Variants in PI4KA observed in about 807,000 individuals in gnomAD.
PI4KA encodes phosphatidylinositol 4-kinase alpha, also known as PI4-kinase alpha.
In PI4KA, 122 loss-of-function variants were observed where a neutral mutation model predicts 271.4. That is an observed-to-expected ratio of 0.45 (90% CI 0.39 to 0.52). PI4KA has a LOEUF of 0.52. Among genes scored for constraint, PI4KA ranks in the 20% least tolerant of loss-of-function variants. The pLI, the probability that PI4KA is intolerant of heterozygous loss-of-function variation, is 0.00. For synonymous variants in PI4KA, 1,041 were observed against 1,078.8 expected (o/e 0.96, Z 0.69); for missense variants, 1,969 against 2,769.1 (o/e 0.71, Z 6.48).
chr22:20,749,434 T>C (rs1298621001), intron 28 of PI4KA, among the ~76,000 whole-genome samples: 2 of 152,280 alleles, frequency 1.3e-5, no homozygotes, highest in Non-Finnish European at 1.5e-5. Flanking sequence ...CCAGTGTTTT[T>C]GTCTGAAAGA....
In PI4KA at chr22:20,733,709, G is replaced by T. The variant is rs371835231; in HGVS notation, c.4160+27C>A. On this transcript the variant is annotated intron_variant, in intron 35 of 54. Coordinates refer to ENST00000255882, the MANE Select transcript of PI4KA (RefSeq NM_058004.4). ...TGGAGGGGCTGCGCCGTCCCTGGAC[G>T]CTGCACAGCACATCTTGGGGGAGTA... The T allele has an allele frequency of 1.2e-5, 20 of 1,613,882 alleles. 1 individual carries two copies. The African/African-American group carries it at 2.0e-4, about 16-fold the overall frequency.
rs552213670 is a variant in PI4KA at position 20,786,983 on chromosome 22, C to A, written c.2328+6210G>T. 1.2e-5 allele frequency: 19 copies of A among 1,614,182 alleles called. No homozygotes were observed. The East Asian group carries it at 4.2e-4, about 36-fold the overall frequency. On this transcript the variant is annotated intron_variant, in intron 19 of 54. Coordinates refer to ENST00000255882, the MANE Select transcript of PI4KA (RefSeq NM_058004.4). ...CACCCAAGTCCGCTTCACTGTCGAC[C>A]GCCCCTTTCTTTTCCTCATCTACGA...
In PI4KA at chr22:20,811,610, A is replaced by C. The variant is rs1002639542; in HGVS notation, c.1006-578T>G. The stretch of plus-strand genomic sequence containing the variant: ...TGTTCTGTCAACTGCAGAACCACAA[A>C]AAAAAAAAAAAAACTGCCCACATCC... On this transcript the variant is annotated intron_variant, in intron 8 of 54. Coordinates refer to ENST00000255882, the MANE Select transcript of PI4KA (RefSeq NM_058004.4). Among the ~76,000 whole-genome samples the C allele has an allele frequency of 1.6e-3, 244 of 151,790 alleles. 1 individual carries two copies. The highest frequency in any genetic ancestry group is 5.7e-3 in the African/African-American group (236 of 41,450).
At chr22:20,819,025 G>A (rs1389975399) in intron 6 of PI4KA, among the ~76,000 whole-genome samples, 1 of 152,210 alleles carries the variant, frequency 6.6e-6, no homozygotes, top group East Asian at 1.9e-4. Context: ...AAAGGCGGGA[G>A]CCAGGGGACC....
At chr22:20,749,468 C>T (rs1358816094) in intron 28 of PI4KA, among the ~76,000 whole-genome samples, 1 of 152,280 alleles carries the variant, frequency 6.6e-6, no homozygotes, top group Non-Finnish European at 1.5e-5. Flanking sequence ...ACATGTGCAG[C>T]TTATGTGGAG....
intron 15 of PI4KA, among the ~76,000 whole-genome samples, 169 bp downstream of exon 15, chr22:20,799,502 T>C (rs1935172327): frequency 6.6e-6 from 1 of 152,168 alleles, no homozygotes; most frequent in East Asian, 1.9e-4. Context: ...GTCCAGGAAG[T>C]ACAATCCAAG....
intron 27 of PI4KA, among the ~76,000 whole-genome samples, chr22:20,751,065 G>A (rs116572137): frequency 7.6e-4 from 115 of 152,070 alleles, no homozygotes; most frequent in African/African-American, 2.7e-3. Flanking sequence ...TGGCTGAGGT[G>A]GGGGAGCTGG....
In PI4KA at chr22:20,805,021, T is replaced by G. The variant is rs1300932105; in HGVS notation, c.1313A>C (p.Asn438Thr). 1 of 1,614,138 alleles carries G rather than the reference T, an allele frequency of 6.2e-7. No homozygotes were observed. Among genetic ancestry groups the G allele is most frequent in the Admixed American group, 1.7e-5 (1 of 60,028 alleles). ...LSPLKLRCQA[N>T]AACVDLMVWA... is the part of the protein sequence containing the mutation. Reference sequence around the variant, plus strand: ...CACCATGAGGTCCACACAGGCAGCATTCGCCTGACAGCGCAGTTTGAGGGG... The same window carrying G: ...CACCATGAGGTCCACACAGGCAGCAGTCGCCTGACAGCGCAGTTTGAGGGG... The change falls in exon 11 of 55, where the codon AAT (asparagine) becomes ACT (threonine). Residue 438 changes from asparagine (N) to threonine (T), a missense_variant. Physicochemically the swap from Asn to Thr is moderately conservative, Grantham distance 65. Transcript: ENST00000255882.
chr22:20,743,177 G>A (rs1160187518), intron 30 of PI4KA, among the ~76,000 whole-genome samples: 1 of 152,148 alleles, frequency 6.6e-6, no homozygotes, highest in Non-Finnish European at 1.5e-5. Context: ...AGGGAGTCTC[G>A]CTCTGATGCT....
intron 39 of PI4KA, among the ~76,000 whole-genome samples, chr22:20,728,984 G>A (rs952327249): frequency 5.3e-5 from 8 of 152,134 alleles, no homozygotes; most frequent in East Asian, 1.9e-4. Context: ...AGGCGGTTCC[G>A]GCAGCCACCT....
At chr22:20,823,772 C>G (rs1431458075) in intron 4 of PI4KA, among the ~76,000 whole-genome samples, 1 of 152,138 alleles carries the variant, frequency 6.6e-6, no homozygotes, top group East Asian at 1.9e-4. Flanking sequence ...AACCTTGTCT[C>G]TACAAAAAAT....
intron 23 of PI4KA, among the ~76,000 whole-genome samples, chr22:20,759,408 T>C (rs1034715800): frequency 1.3e-3 from 180 of 138,310 alleles, no homozygotes; most frequent in South Asian, 1.7e-3. Flanking sequence ...TTTTCTTTTT[T>C]TTTTTTTTTT....
intron 42 of PI4KA, 54 bp downstream of exon 42, chr22:20,726,433 TG>T: frequency 6.9e-7 from 1 of 1,453,072 alleles, no homozygotes; most frequent in Non-Finnish European, 9.1e-7. Flanking sequence ...GGGCACAAGC[TG>T]GTGTGGAACA....
chr22:20,794,722 C>T (rs960012969), intron 18 of PI4KA, among the ~76,000 whole-genome samples: 3 of 152,190 alleles, frequency 2.0e-5, no homozygotes, highest in African/African-American at 2.4e-5. Flanking sequence ...TCCCACTCAG[C>T]GCCACAGGCA....
At chr22:20,750,159 G>T (rs1269233209) in intron 27 of PI4KA, among the ~76,000 whole-genome samples, 165 bp from the exon 28 acceptor site, 2 of 152,196 alleles carry the variant, frequency 1.3e-5, no homozygotes, top group African/African-American at 4.8e-5. Context: ...CTTTAAAGAG[G>T]TGATTCAATT....
At chr22:20,846,027 G>A (rs165714) in intron 1 of PI4KA, among the ~76,000 whole-genome samples, 1 of 151,764 alleles carries the variant, frequency 6.6e-6, no homozygotes, top group African/African-American at 2.4e-5. Flanking sequence ...GGAGGCCGAG[G>A]CGGGCGGATC....
intron 19 of PI4KA, 46 bp downstream of exon 19, chr22:20,793,147 G>C: frequency 8.9e-7 from 1 of 1,125,428 alleles, no homozygotes; most frequent in Non-Finnish European, 1.4e-6. Flanking sequence ...CTTAAAGCAT[G>C]AACACAGTAT....
Position 20,765,115 on chromosome 22 carries a change from A to G in PI4KA, c.2559T>C (p.Asn853=). Residue 853 remains asparagine (N), a synonymous_variant, in exon 21 of 55, where the codon AAT becomes AAC. Coordinates refer to ENST00000255882, the MANE Select transcript of PI4KA (RefSeq NM_058004.4). Reference sequence around the variant, plus strand: ...GAATCCTTACGGGGGTGACCGTGTCATTCTTCATGGCTGAGTTATACTGGA... The same window carrying G: ...GAATCCTTACGGGGGTGACCGTGTCGTTCTTCATGGCTGAGTTATACTGGA... The part of the protein sequence containing the change: ...SVLQYNSAMK[N]DTVTPAELSE... 1.2e-6 allele frequency: 2 copies of G among 1,613,292 alleles called. No homozygotes were observed. Among genetic ancestry groups the G allele is most frequent in the Non-Finnish European group, 1.7e-6 (2 of 1,179,532 alleles).
intron 19 of PI4KA, among the ~76,000 whole-genome samples, chr22:20,767,447 A>G (rs1464571464): frequency 1.3e-5 from 2 of 151,842 alleles, no homozygotes; most frequent in African/African-American, 2.4e-5. Flanking sequence ...CTGTCTCAAA[A>G]AAAAAAAAAG....
Sources: gnomAD v4.1 joint callset for allele counts (sites outside exome capture counted in the v4.1 genomes callset) on GRCh38, gnomAD v4.1.1 for gene constraint, MANE v1.5 for transcripts, NCBI Gene and HGNC (gene_info 2026-07-23, HGNC 2026-07-21) for gene names.